NUDT11: variants seen among roughly 807,000 people sequenced by gnomAD.
NUDT11 encodes the protein diphosphoinositol polyphosphate phosphohydrolase 3-beta.
A neutral mutation model predicts 10.0 loss-of-function variants in NUDT11; 1 was observed. The observed-to-expected ratio is 0.10, with a 90% confidence interval of 0.04 to 0.47. The LOEUF is 0.47. Ranked by LOEUF, NUDT11 falls within the 20% of genes least tolerant of loss-of-function variation. The pLI, the probability that NUDT11 is intolerant of heterozygous loss-of-function variation, is 0.96. For synonymous variants in NUDT11, 63 were observed against 65.9 expected (o/e 0.96, Z 0.21); for missense variants, 47 against 140.4 (o/e 0.33, Z 3.36).
chrX:51,493,776 CATA>C (rs1569552989), intron 1 of NUDT11, among the ~76,000 whole-genome samples: 1 of 110,367 alleles, frequency 9.1e-6, no homozygotes, highest in Non-Finnish European at 1.9e-5. Context: ...AAAACCACGA[CATA>C]TTTATAAGCT....
At chrX:51,493,851 A>G (rs1925646278) in intron 1 of NUDT11, among the ~76,000 whole-genome samples, 1 of 112,087 alleles carries the variant, frequency 8.9e-6, no homozygotes, top group African/African-American at 3.2e-5. Flanking sequence ...TGTCAGATAC[A>G]TAACTTAAGA....
chrX:51,492,975 G>T (rs1324229952), intron 1 of NUDT11, among the ~76,000 whole-genome samples: 1 of 112,492 alleles, frequency 8.9e-6, no homozygotes, highest in African/African-American at 3.2e-5. Context: ...ATCACAGAAA[G>T]AATTTAAAAC....
In NUDT11 at chrX:51,490,276, C is replaced by T. The variant is rs1298598807; in HGVS notation, c.*1473G>A. 1 of 111,724 alleles carries T rather than the reference C, an allele frequency of 9.0e-6. No homozygotes were observed. The highest frequency in any genetic ancestry group is 3.3e-5 in the African/African-American group (1 of 30,755). 9.2% of individuals were successfully genotyped at this position (111,724 alleles called of 1,213,427 possible). On this transcript the variant is annotated 3_prime_UTR_variant, in exon 2 of 2. Coordinates refer to ENST00000375992, the MANE Select transcript of NUDT11 (RefSeq NM_018159.4). The stretch of plus-strand genomic sequence containing the variant: ...ACAACATAACCACAGTACCATATCA[C>T]ATCTTAAAAAACAATAAATCAAGAA...
intron 1 of NUDT11, among the ~76,000 whole-genome samples, chrX:51,495,227 T>C (rs1446026105): frequency 2.7e-5 from 3 of 111,711 alleles, no homozygotes; most frequent in East Asian, 5.6e-4. Context: ...ATGATCTACA[T>C]ATAGAAACAG....
chrX:51,495,765 T>G (rs1925687784), intron 1 of NUDT11, among the ~76,000 whole-genome samples, 186 bp downstream of exon 1: 1 of 112,403 alleles, frequency 8.9e-6, no homozygotes, highest in African/African-American at 3.2e-5. Flanking sequence ...ACGTGCAAAC[T>G]GTCTTGAAAA....
rs1427432600 is a variant in NUDT11, at chrX:51,490,600, TA to T, written c.*1148del. On this transcript the variant is annotated 3_prime_UTR_variant, in exon 2 of 2. Transcript: ENST00000375992. Reference sequence around the variant, plus strand: ...GGCAGCTGATGCAAGTCCTCTTTTTTAAAAAAACCTTCACTTTGTGTTCCCC... The same window carrying T: ...GGCAGCTGATGCAAGTCCTCTTTTTTAAAAAACCTTCACTTTGTGTTCCCC... The T allele has an allele frequency of 8.9e-6, 1 of 111,977 alleles. No homozygotes were observed. The highest frequency in any genetic ancestry group is 1.9e-5 in the Non-Finnish European group (1 of 53,189). The allele number at this position is 111,977 out of a possible 1,213,427, so 9.2% of individuals were successfully genotyped here.
rs1200556632 is a variant in NUDT11 at position 51,491,066 on chromosome X, G to A, written c.*683C>T. On this transcript the variant is annotated 3_prime_UTR_variant, in exon 2 of 2. Coordinates refer to ENST00000375992, the MANE Select transcript of NUDT11 (RefSeq NM_018159.4). ...ATTTTTACAATTACCTTTATAGCAA[G>A]TGATAGTTTTTGAATAAAATTTAAG... is the stretch of plus-strand genomic sequence containing the variant. The A allele has an allele frequency of 8.9e-6, 1 of 112,340 alleles. No homozygotes were observed. Among genetic ancestry groups the A allele is most frequent in the African/African-American group, 3.2e-5 (1 of 30,827 alleles). The allele number at this position is 112,340 out of a possible 1,213,427, so 9.3% of individuals were successfully genotyped here.
chrX:51,496,269 C>A lies in NUDT11; in HGVS notation c.176G>T (p.Gly59Val). 1 of 1,210,492 alleles carries A rather than the reference C, an allele frequency of 8.3e-7. No individual in the cohort carries two copies. The change falls in exon 1 of 2, where the codon GGC becomes GTC. Residue 59 changes from glycine (G) to valine (V), a missense_variant. Gly to Val is a moderately radical substitution (Grantham distance 109). Transcript: ENST00000375992. ...GTACACCTCTCGGACCGCCGCACCG[C>A]CCGGCTCCTCCTCGGGCTCCATGCC... is the stretch of plus-strand genomic sequence containing the variant. ...GGGMEPEEEP[G>V]GAAVREVYEE...
At chrX:51,491,806 G>A in intron 1 of NUDT11, 57 bp from the exon 2 acceptor site, 2 of 569,854 alleles carry the variant, frequency 3.5e-6, no homozygotes, top group South Asian at 2.2e-5. Context: ...TCCTCCAACT[G>A]ACAAATGTAC....
At chrX:51,495,513 G>T (rs782123015) in intron 1 of NUDT11, among the ~76,000 whole-genome samples, 34 of 111,690 alleles carry the variant, frequency 3.0e-4, no homozygotes, top group African/African-American at 1.0e-3. Flanking sequence ...CACAAGGCTG[G>T]TATCAAAAAT....
In NUDT11 at chrX:51,490,054, A is replaced by G. The variant is rs1925559389; in HGVS notation, c.*1695T>C. On this transcript the variant is annotated 3_prime_UTR_variant, in exon 2 of 2. Transcript: ENST00000375992. ...TTATGGAAAATTTCAAACATATACA[A>G]AAGTATAGAGAATAGTATAATGAAC... is the stretch of plus-strand genomic sequence containing the variant. 1 of 111,768 alleles carries G rather than the reference A, an allele frequency of 8.9e-6. No homozygotes were observed. Among genetic ancestry groups the G allele is most frequent in the Non-Finnish European group, 1.9e-5 (1 of 53,185 alleles). The allele number at this position is 111,768 out of a possible 1,213,427, so 9.2% of individuals were successfully genotyped here. A position where few individuals can be genotyped will look rare whatever the true frequency, so the allele number is the denominator to read the frequency against.
intron 1 of NUDT11, among the ~76,000 whole-genome samples, chrX:51,492,457 C>T (rs782021357): frequency 2.7e-5 from 3 of 109,590 alleles, no homozygotes; most frequent in Non-Finnish European, 5.7e-5. Flanking sequence ...CCTGGTTTCA[C>T]GAGATTGTCC....
chrX:51,491,617 G>A lies in NUDT11; in HGVS notation c.*132C>T. ...TATAGACAGGGAAGGAGTGTCCCAA[G>A]ATGCAGGAAGAAACCAGATGAGCTG... On this transcript the variant is annotated 3_prime_UTR_variant, in exon 2 of 2. Transcript: ENST00000375992. 1 of 528,468 alleles carries A rather than the reference G, an allele frequency of 1.9e-6. No homozygotes were observed. The highest frequency in any genetic ancestry group is 3.4e-5 in the East Asian group (1 of 29,651). The allele number at this position is 528,468 out of a possible 1,213,427, so 43.6% of individuals were successfully genotyped here.
chrX:51,495,864 G>C, intron 1 of NUDT11, 87 bp downstream of exon 1: 1 of 1,144,881 alleles, frequency 8.7e-7, no homozygotes, highest in Non-Finnish European at 1.2e-6. Flanking sequence ...CCGTGAGACC[G>C]CACATGGCAC....
Position 51,496,540 on chromosome X carries a change from T to A in NUDT11, c.-96A>T. 1 of 1,149,140 alleles carries A rather than the reference T, an allele frequency of 8.7e-7. No homozygotes were observed. Among genetic ancestry groups the A allele is most frequent in the South Asian group, 2.1e-5 (1 of 47,597 alleles). The allele number at this position is 1,149,140 out of a possible 1,213,427, so 94.7% of individuals were successfully genotyped here. A position where few individuals can be genotyped will look rare whatever the true frequency, so the allele number is the denominator to read the frequency against. On this transcript the variant is annotated 5_prime_UTR_variant, in exon 1 of 2. Transcript: ENST00000375992. ...CGCCGCCGGGGAACAGCCGAGGTGCTGGGAAGAGAAAGGGCCGAGGCGAGG... is the reference window on the plus strand; with the variant it reads ...CGCCGCCGGGGAACAGCCGAGGTGCAGGGAAGAGAAAGGGCCGAGGCGAGG...
Position 51,490,854 on chromosome X carries a change from T to C in NUDT11, c.*895A>G, listed in dbSNP as rs1199814107. 1 of 112,113 alleles carries C rather than the reference T, an allele frequency of 8.9e-6. No homozygotes were observed. Among genetic ancestry groups the C allele is most frequent in the Non-Finnish European group, 1.9e-5 (1 of 53,245 alleles). 9.2% of individuals were successfully genotyped at this position (112,113 alleles called of 1,213,427 possible). A position where few individuals can be genotyped will look rare whatever the true frequency, so the allele number is the denominator to read the frequency against. ...TGGAAACTGCCTATGATATAGCCTGTTGGCTCTGGCATCAAATAATACAGT... is the reference window on the plus strand; with the variant it reads ...TGGAAACTGCCTATGATATAGCCTGCTGGCTCTGGCATCAAATAATACAGT... On this transcript the variant is annotated 3_prime_UTR_variant, in exon 2 of 2. Coordinates refer to ENST00000375992, the MANE Select transcript of NUDT11 (RefSeq NM_018159.4).
rs1202435005 is a variant in NUDT11, at chrX:51,490,326, T to A, written c.*1423A>T. ...AGTTATATTTTTATTTCAAATTATGTAACAACTGGGGACACAATCAATACA... is the reference window on the plus strand; with the variant it reads ...AGTTATATTTTTATTTCAAATTATGAAACAACTGGGGACACAATCAATACA... On this transcript the variant is annotated 3_prime_UTR_variant, in exon 2 of 2. Transcript: ENST00000375992. 1 of 112,234 alleles carries A rather than the reference T, an allele frequency of 8.9e-6. No individual in the cohort carries two copies. The highest frequency in any genetic ancestry group is 9.4e-5 in the Admixed American group (1 of 10,589). 9.2% of individuals were successfully genotyped at this position (112,234 alleles called of 1,213,427 possible).
At position 51,490,281 on chromosome X, in the gene NUDT11, T is replaced by TA. The variant is rs1356543964; in HGVS notation, c.*1467dup. ...ATAACCACAGTACCATATCACATCT[T>TA]AAAAAACAATAAATCAAGAAGTTAT... On this transcript the variant is annotated 3_prime_UTR_variant, in exon 2 of 2. Coordinates refer to ENST00000375992, the MANE Select transcript of NUDT11 (RefSeq NM_018159.4). 8.9e-6 allele frequency: 1 copy of TA among 111,874 alleles called. No individual in the cohort carries two copies. Among genetic ancestry groups the TA allele is most frequent in the Non-Finnish European group, 1.9e-5 (1 of 53,205 alleles). 9.2% of individuals were successfully genotyped at this position (111,874 alleles called of 1,213,427 possible). A position where few individuals can be genotyped will look rare whatever the true frequency, so the allele number is the denominator to read the frequency against.
At chrX:51,492,542 A>C (rs1377232247) in intron 1 of NUDT11, among the ~76,000 whole-genome samples, 4 of 110,838 alleles carry the variant, frequency 3.6e-5, no homozygotes, top group Non-Finnish European at 7.6e-5. Context: ...GTTTTACTTC[A>C]TTAATAATTA....
Sources: gnomAD v4.1 joint callset for allele counts (sites outside exome capture counted in the v4.1 genomes callset) on GRCh38, gnomAD v4.1.1 for gene constraint, MANE v1.5 for transcripts, NCBI Gene and HGNC (gene_info 2026-07-23, HGNC 2026-07-21) for gene names.